ATIC: variants seen among roughly 807,000 people sequenced by gnomAD.
ATIC encodes bifunctional purine biosynthesis protein ATIC.
Under a neutral mutation model 72.5 loss-of-function variants are expected in ATIC, and 64 were observed. The ratio of observed to expected loss-of-function variants is 0.88; its 90% CI spans 0.72 to 1.09. The LOEUF is 1.09. ATIC is among the 50% of genes least tolerant of loss of function. The pLI is 0.00. For synonymous variants in ATIC, 281 were observed against 267.1 expected, an observed-to-expected ratio of 1.05 and a Z score of -0.51; for missense variants, 787 against 732.4, an observed-to-expected ratio of 1.07 and a Z score of -0.86.
chr2:215,349,760 C>T lies in ATIC; in HGVS notation c.*105C>T. The T allele has an allele frequency of 1.9e-6, 3 of 1,587,446 alleles. No individual in the cohort carries two copies. The highest frequency in any genetic ancestry group is 2.2e-5 in the South Asian group (2 of 89,972). On this transcript the variant is annotated 3_prime_UTR_variant, in exon 16 of 16. Coordinates refer to ENST00000236959, the MANE Select transcript of ATIC (RefSeq NM_004044.7). ...AAAATAAAACAGTATCTCTTAATCA[C>T]TGGATCCATAGTTTTTGGTAGTTGT...
At chr2:215,345,513 C>T (rs16853834) in intron 13 of ATIC, 20,889 of 156,746 alleles carry the variant, frequency 0.13, 1,770 homozygotes, top group East Asian at 0.22. Flanking sequence ...CCTAGTGTCC[C>T]GAGCCTCAGA....
At chr2:215,361,002 A>G in the ATIC span, 1 of 157,272 alleles carries the variant, frequency 6.4e-6, no homozygotes, top group Non-Finnish European at 1.4e-5. Context: ...TTTCAATACA[A>G]TTTTTTCCGT....
intron 2 of ATIC, 105 bp downstream of exon 2, chr2:215,312,729 G>T: frequency 6.6e-7 from 1 of 1,524,492 alleles, no homozygotes; most frequent in Non-Finnish European, 9.0e-7. Context: ...CCTCCCAGTA[G>T]CGCTGTGAGG....
intron 14 of ATIC, 99 bp from the exon 15 acceptor site, chr2:215,348,995 A>G (rs893837242): frequency 2.5e-6 from 3 of 1,186,536 alleles, no homozygotes; most frequent in East Asian, 4.8e-5. Flanking sequence ...AACAAGTCCT[A>G]AGAAAAATGC....
chr2:215,359,505 TTC>T, the ATIC span, among the ~76,000 whole-genome samples: 2 of 152,180 alleles, frequency 1.3e-5, no homozygotes, highest in African/African-American at 4.8e-5. Flanking sequence ...ATTTTGTACT[TTC>T]TGTGATTTTT....
chr2:215,354,955 C>T, the ATIC span, among the ~76,000 whole-genome samples: 1,376 of 151,908 alleles, frequency 9.1e-3, 17 homozygotes, highest in African/African-American at 0.032. Flanking sequence ...GAATGAACCC[C>T]GGGGAGGAGC....
chr2:215,330,768 C>G (rs2052883598), intron 7 of ATIC, among the ~76,000 whole-genome samples: 1 of 145,456 alleles, frequency 6.9e-6, no homozygotes, highest in Non-Finnish European at 1.5e-5. Flanking sequence ...GTTTTGATAT[C>G]CTGGGACTCA....
At chr2:215,325,910 C>A in intron 5 of ATIC, 77 bp from the exon 6 acceptor site, 18 of 1,534,070 alleles carry the variant, frequency 1.2e-5, no homozygotes, top group Non-Finnish European at 1.2e-5. Context: ...GAAGTACATG[C>A]ACAATGACTT....
At chr2:215,366,195 A>G in the ATIC span, among the ~76,000 whole-genome samples, 206 of 152,238 alleles carry the variant, frequency 1.4e-3, no homozygotes, top group African/African-American at 4.9e-3. Flanking sequence ...TTAAGACCCA[A>G]TTTATTCTGC....
downstream of ATIC, among the ~76,000 whole-genome samples, chr2:215,353,592 AT>A (rs1475066929): frequency 6.6e-6 from 1 of 151,880 alleles, no homozygotes; most frequent in Non-Finnish European, 1.5e-5. Flanking sequence ...ACAGATTTTC[AT>A]TCATGTGGCC....
At chr2:215,342,442 C>G (rs1287750499) in intron 12 of ATIC, among the ~76,000 whole-genome samples, 1 of 152,058 alleles carries the variant, frequency 6.6e-6, no homozygotes, top group Non-Finnish European at 1.5e-5. Context: ...TCTCCTAATG[C>G]TAGCATTTGT....
chr2:215,313,243 A>G (rs1452704499), intron 2 of ATIC, among the ~76,000 whole-genome samples: 1 of 152,250 alleles, frequency 6.6e-6, no homozygotes, highest in Non-Finnish European at 1.5e-5. Context: ...GCCACTTGTT[A>G]TGCAAGGAAA....
At chr2:215,367,982 G>A in the ATIC span, 16 of 1,614,076 alleles carry the variant, frequency 9.9e-6, no homozygotes. Context: ...AACTGTGTAG[G>A]GGTCAAAGCA....
At chr2:215,349,845 G>A (rs572949468), downstream of ATIC, 250 of 1,045,628 alleles carry the variant, frequency 2.4e-4, no homozygotes, top group Non-Finnish European at 3.3e-4. Context: ...ACATAAATGA[G>A]GAATTCCAGA....
At chr2:215,328,606 C>G (rs56296252) in intron 7 of ATIC, among the ~76,000 whole-genome samples, 2,250 of 152,188 alleles carry the variant, frequency 0.015, 51 homozygotes, top group African/African-American at 0.051. Context: ...CTTCCTTGAC[C>G]GCTTAGACCA....
In ATIC at chr2:215,319,319, C is replaced by T. The variant is rs556226904; in HGVS notation, c.224-346C>T. Among the ~76,000 whole-genome samples, 35 of 152,122 alleles carry T rather than the reference C, an allele frequency of 2.3e-4. 1 individual carries two copies. In the South Asian group the frequency reaches 7.1e-3, roughly 31 times the overall value. On this transcript the variant is annotated intron_variant, in intron 3 of 15. Coordinates refer to ENST00000236959, the MANE Select transcript of ATIC (RefSeq NM_004044.7). ...ACTTGGAGAGCTGAGACAGGAGAAC[C>T]GCTTGAGCCCAGGAGTTTAAGATCA...
the ATIC span, among the ~76,000 whole-genome samples, chr2:215,354,906 C>G: frequency 6.6e-6 from 1 of 151,916 alleles, no homozygotes; most frequent in African/African-American, 2.4e-5. Context: ...AGCTGATGCA[C>G]TCCTCGCCAG....
chr2:215,351,792 A>G (rs2053132741), downstream of ATIC, among the ~76,000 whole-genome samples: 2 of 152,252 alleles, frequency 1.3e-5, no homozygotes, highest in South Asian at 4.1e-4. Context: ...AGGAGAGTAT[A>G]GAAATGGGAA....
At chr2:215,321,093 T>C (rs959439994) in intron 4 of ATIC, among the ~76,000 whole-genome samples, 2 of 152,140 alleles carry the variant, frequency 1.3e-5, no homozygotes, top group African/African-American at 2.4e-5. Context: ...TTAAAACATA[T>C]TCATCACCCC....
Sources: gnomAD v4.1 joint callset for allele counts (sites outside exome capture counted in the v4.1 genomes callset) on GRCh38, gnomAD v4.1.1 for gene constraint, MANE v1.5 for transcripts, NCBI Gene and HGNC (gene_info 2026-07-23, HGNC 2026-07-21) for gene names.